The following RFX2 variants were observed in gnomAD, a reference collection of about 807,000 sequenced individuals.
The protein encoded by RFX2 is DNA-binding protein RFX2.
RFX2 carries 20 observed loss-of-function variants against 87.8 expected under a neutral mutation model. The ratio of observed to expected loss-of-function variants is 0.23; its 90% CI spans 0.16 to 0.33. The LOEUF (loss-of-function observed/expected upper bound fraction) is 0.33, where lower values mean the gene tolerates loss of function less well. Among genes scored for constraint, RFX2 ranks in the 10% least tolerant of loss-of-function variants. The pLI is 1.00. For synonymous variants in RFX2, 397 were observed against 431.3 expected, an observed-to-expected ratio of 0.92 and a Z score of 0.98; for missense variants, 767 against 1,012.3, an observed-to-expected ratio of 0.76 and a Z score of 3.29.
chr19:6,003,672 G>A lies in RFX2; in HGVS notation c.1500+529C>T, dbSNP rs570277262. On this transcript the variant is annotated intron_variant, in intron 13 of 17. Transcript: ENST00000303657. ...CGGGCACCTGTAATCCCAGCTATTC[G>A]GGAGGCTGAGGCAGGAGAATCGCTT... Among the ~76,000 whole-genome samples, 385 of 151,030 alleles carry A rather than the reference G, an allele frequency of 2.5e-3. 2 individuals carry two copies. The highest frequency in any genetic ancestry group is 3.9e-3 in the Non-Finnish European group (261 of 67,760).
At position 6,023,001 on chromosome 19, in the gene RFX2, G is replaced by C. The variant is rs1195622196; in HGVS notation, c.597+3162C>G. ...AGAGATGTCTGTGAGGGGTTCCCTA[G>C]GTGGGTTTCCCACGTCTTCCACCTT... is the stretch of plus-strand genomic sequence containing the variant. On this transcript the variant is annotated intron_variant, in intron 6 of 17. Coordinates refer to ENST00000303657, the MANE Select transcript of RFX2 (RefSeq NM_000635.4). The surrounding 1 kb of genome is among the most constrained non-coding windows in gnomAD (Gnocchi z 4.9). The C allele has an allele frequency of 6.6e-6, 1 of 152,390 alleles. No homozygotes were observed. Among genetic ancestry groups the C allele is most frequent in the Non-Finnish European group, 1.5e-5 (1 of 68,140 alleles). The allele number at this position is 152,390 out of a possible 1,614,324, so 9.4% of individuals were successfully genotyped here.
Position 6,047,926 on chromosome 19 carries a change from ACT to A in RFX2, c.-8-424_-8-423del, listed in dbSNP as rs2087218823. On this transcript the variant is annotated intron_variant, in intron 1 of 17. Coordinates refer to ENST00000303657, the MANE Select transcript of RFX2 (RefSeq NM_000635.4). This position sits in a 1 kb window ranked among gnomAD's most constrained non-coding sequence, Gnocchi z 4.2. The stretch of plus-strand genomic sequence containing the variant: ...TGCACCCCAAACGACAACGGGAGAA[ACT>A]CTAAGGCTGGGTTTCCCCACTGTGG... Among the ~76,000 whole-genome samples, 1 of 152,172 alleles carries A rather than the reference ACT, an allele frequency of 6.6e-6. No individual in the cohort carries two copies. Among genetic ancestry groups the A allele is most frequent in the East Asian group, 1.9e-4 (1 of 5,192 alleles).
intron 9 of RFX2, among the ~76,000 whole-genome samples, chr19:6,009,378 C>A (rs937768347): frequency 3.3e-5 from 5 of 152,094 alleles, no homozygotes; most frequent in Non-Finnish European, 5.9e-5. Flanking sequence ...GAGTTAGGGC[C>A]TTCCCGGGGC....
rs2086427162 is a variant in RFX2 at position 5,997,336 on chromosome 19, T to C, written c.1860-123A>G. The C allele has an allele frequency of 8.5e-7, 1 of 1,171,662 alleles. No homozygotes were observed. Among genetic ancestry groups the C allele is most frequent in the Non-Finnish European group, 1.2e-6 (1 of 857,966 alleles). The allele number at this position is 1,171,662 out of a possible 1,614,324, so 72.6% of individuals were successfully genotyped here. ...TTCCCTGGGGAACCCAGAGGCTGAG[T>C]GATCCTAAGACGTGCAGGCCTACGC... On this transcript the variant is annotated intron_variant, in intron 15 of 17. Transcript: ENST00000303657. This position sits in a 1 kb window ranked among gnomAD's most constrained non-coding sequence, Gnocchi z 4.2.
At chr19:6,073,065 C>T (rs1007175653) in intron 1 of RFX2, 29 of 459,604 alleles carry the variant, frequency 6.3e-5, no homozygotes, top group Non-Finnish European at 9.9e-5. Context: ...CTGCAACCTC[C>T]GCCTTCCGGG....
rs189349543 is a variant in RFX2, at chr19:5,999,671, G to A, written c.1859+2144C>T. 6.6e-6 allele frequency among the ~76,000 whole-genome samples: 1 copy of A among 152,186 alleles called. No individual in the cohort carries two copies. The highest frequency in any genetic ancestry group is 2.4e-5 in the African/African-American group (1 of 41,432). On this transcript the variant is annotated intron_variant, in intron 15 of 17. Transcript: ENST00000303657. This position sits in a 1 kb window ranked among gnomAD's most constrained non-coding sequence, Gnocchi z 4.1. ...GAAGTGAGGTCCCGGCACTCGGGTA[G>A]CGTGCCTGATCATGCAGGAGACAGA...
rs2086460700 is a variant in RFX2 at position 5,999,307 on chromosome 19, T to G, written c.1860-2094A>C. 6.6e-6 allele frequency among the ~76,000 whole-genome samples: 1 copy of G among 152,160 alleles called. No homozygotes were observed. Among genetic ancestry groups the G allele is most frequent in the Admixed American group, 6.6e-5 (1 of 15,266 alleles). On this transcript the variant is annotated intron_variant, in intron 15 of 17. Coordinates refer to ENST00000303657, the MANE Select transcript of RFX2 (RefSeq NM_000635.4). This position sits in a 1 kb window ranked among gnomAD's most constrained non-coding sequence, Gnocchi z 4.1. ...TGGAACAGTGTCTCGGTCTCCCTTG[T>G]GAAGAGCACCCCCACCTTGCAGACG...
chr19:6,026,274 A>G lies in RFX2; in HGVS notation c.523-37T>C. ...GTGTGCAGAAACAAAACAAAACAAAATGGAAAAAAAAAAAAAGGAAATCAG... is the reference window on the plus strand; with the variant it reads ...GTGTGCAGAAACAAAACAAAACAAAGTGGAAAAAAAAAAAAAGGAAATCAG... On this transcript the variant is annotated intron_variant, in intron 5 of 17. Coordinates refer to ENST00000303657, the MANE Select transcript of RFX2 (RefSeq NM_000635.4). The surrounding 1 kb of genome is among the most constrained non-coding windows in gnomAD (Gnocchi z 4.5). 2 of 1,534,316 alleles carry G rather than the reference A, an allele frequency of 1.3e-6. No homozygotes were observed. The highest frequency in any genetic ancestry group is 1.8e-6 in the Non-Finnish European group (2 of 1,118,628).
Position 6,040,143 on chromosome 19 carries a change from G to A in RFX2, c.359C>T (p.Ala120Val). The change falls in exon 5 of 18, where the codon GCA (alanine) becomes GTA (valine). Residue 120 changes from alanine to valine, a missense_variant. Around this residue, in one of 2 missense-constraint regions of RFX2, gnomAD observed 621 missense variants for 873.0 expected, o/e 0.71. Transcript: ENST00000303657. The surrounding 1 kb of genome is among the most constrained non-coding windows in gnomAD (Gnocchi z 6.1). ...GGGGACCGCTGGCGGGGACGAGGCTGCCACGGTCACCTGGGCACCGCCTGG... is the reference window on the plus strand; with the variant it reads ...GGGGACCGCTGGCGGGGACGAGGCTACCACGGTCACCTGGGCACCGCCTGG... Reference protein sequence around the residue: ...EAPGGAQVTVAASSPPAVPSH... With the variant: ...EAPGGAQVTVVASSPPAVPSH... 6.2e-7 allele frequency: 1 copy of A among 1,608,484 alleles called. No homozygotes were observed.
intron 16 of RFX2, among the ~76,000 whole-genome samples, chr19:5,996,367 C>T (rs546269997): frequency 2.6e-3 from 131 of 49,798 alleles, no homozygotes; most frequent in African/African-American, 0.01. Context: ...AGCCACGCAC[C>T]GGAACACAAC....
In RFX2 at chr19:5,998,812, C is replaced by T. The variant is rs62107184; in HGVS notation, c.1860-1599G>A. On this transcript the variant is annotated intron_variant, in intron 15 of 17. Transcript: ENST00000303657. This position sits in a 1 kb window ranked among gnomAD's most constrained non-coding sequence, Gnocchi z 4.2. ...CGCAGCTCCCAGAGAGTAGGAGCAT[C>T]GGCCGACCACCACCAAGGGAGGCCC... Among the ~76,000 whole-genome samples the T allele has an allele frequency of 9.9e-3, 1,508 of 152,300 alleles. 13 individuals are homozygous for T. Among genetic ancestry groups the T allele is most frequent in the South Asian group, 0.034 (165 of 4,824 alleles).
chr19:6,076,771 A>C (rs1225670751), intron 1 of RFX2, among the ~76,000 whole-genome samples: 1 of 152,190 alleles, frequency 6.6e-6, no homozygotes, highest in South Asian at 2.1e-4. Flanking sequence ...GCTGTTTGCT[A>C]TTTGTGATTT....
intron 1 of RFX2, among the ~76,000 whole-genome samples, chr19:6,048,060 C>G (rs1170563286): frequency 6.6e-6 from 1 of 152,214 alleles, no homozygotes; most frequent in Non-Finnish European, 1.5e-5. Context: ...ATGCCAGGAG[C>G]GCCCCCTCCC....
Position 6,101,250 on chromosome 19 carries a change from T to A in RFX2, c.-9+9143A>T, listed in dbSNP as rs560684490. 1.3e-5 allele frequency among the ~76,000 whole-genome samples: 2 copies of A among 152,354 alleles called. No individual in the cohort carries two copies. Among genetic ancestry groups the A allele is most frequent in the South Asian group, 4.1e-4 (2 of 4,834 alleles). On this transcript the variant is annotated intron_variant, in intron 1 of 17. Coordinates refer to ENST00000303657, the MANE Select transcript of RFX2 (RefSeq NM_000635.4). This position sits in a 1 kb window ranked among gnomAD's most constrained non-coding sequence, Gnocchi z 4.9. Reference sequence around the variant, plus strand: ...AGGGTGAATTCTTCAAGAAAACGAATAATTCCTTTTAAAATCAGAAGCACA... The same window carrying A: ...AGGGTGAATTCTTCAAGAAAACGAAAAATTCCTTTTAAAATCAGAAGCACA...
At chr19:6,005,400 A>G (rs2086567297) in intron 12 of RFX2, among the ~76,000 whole-genome samples, 1 of 152,224 alleles carries the variant, frequency 6.6e-6, no homozygotes, top group Non-Finnish European at 1.5e-5. Context: ...ACTGCGGGGC[A>G]TGGCCTGTGG....
intron 1 of RFX2, among the ~76,000 whole-genome samples, chr19:6,075,866 C>T (rs1051007635): frequency 1.3e-5 from 2 of 152,148 alleles, no homozygotes; most frequent in Non-Finnish European, 2.9e-5. Flanking sequence ...GTGAGATCAC[C>T]AGGAAAGCAG....
chr19:5,995,545 C>T, intron 17 of RFX2, 56 bp downstream of exon 17: 1 of 1,524,854 alleles, frequency 6.6e-7, no homozygotes, highest in South Asian at 1.2e-5. Flanking sequence ...CAGGCCACGG[C>T]CAGGAGTACC....
rs2087080666 is a variant in RFX2, at chr19:6,039,888, GCCTCCGGCTGCCTCTTACTCAC to G, written c.522+70_522+91del. 1 of 1,403,766 alleles carries G rather than the reference GCCTCCGGCTGCCTCTTACTCAC, an allele frequency of 7.1e-7. No homozygotes were observed. The highest frequency in any genetic ancestry group is 1.4e-5 in the African/African-American group (1 of 69,504). The allele number at this position is 1,403,766 out of a possible 1,614,324, so 87.0% of individuals were successfully genotyped here. ...CCAGAGCAGACGACAGCCCCTCCGG[GCCTCCGGCTGCCTCTTACTCAC>G]CATCCCTGCTGCCGCTGCTTCGAGA... On this transcript the variant is annotated intron_variant, in intron 5 of 17. Coordinates refer to ENST00000303657, the MANE Select transcript of RFX2 (RefSeq NM_000635.4). This position sits in a 1 kb window ranked among gnomAD's most constrained non-coding sequence, Gnocchi z 5.2.
chr19:6,072,910 A>C, intron 1 of RFX2: 3 of 983,062 alleles, frequency 3.1e-6, no homozygotes, highest in Non-Finnish European at 4.8e-6. Flanking sequence ...CCAACATGTC[A>C]AAATTAAGTG....
Sources: gnomAD v4.1 joint callset for allele counts (sites outside exome capture counted in the v4.1 genomes callset) on GRCh38, gnomAD v4.1.1 for gene constraint, gnomAD v4.1.1 regional missense constraint, Gnocchi (gnomAD v3.1) non-coding constraint, MANE v1.5 for transcripts, NCBI Gene and HGNC (gene_info 2026-07-23, HGNC 2026-07-21) for gene names.